Variants in PTPRT observed in about 807,000 individuals in gnomAD.
The protein encoded by PTPRT is receptor-type tyrosine-protein phosphatase T.
A neutral mutation model predicts 176.8 loss-of-function variants in PTPRT; 56 were observed. That is an observed-to-expected ratio of 0.32 (90% CI 0.26 to 0.40). PTPRT has a LOEUF of 0.40. Among genes scored for constraint, PTPRT ranks in the 10% least tolerant of loss-of-function variants. PTPRT has a pLI of 1.00. For missense variants in PTPRT, 1,540 were observed against 1,908.2 expected, an observed-to-expected ratio of 0.81 and a Z score of 3.60; for synonymous variants, 783 against 739.0, an observed-to-expected ratio of 1.06 and a Z score of -0.96.
chr20:42,508,898 TATAA>T (rs2071898507), intron 7 of PTPRT, among the ~76,000 whole-genome samples: 1 of 144,638 alleles, frequency 6.9e-6, no homozygotes, highest in Non-Finnish European at 1.5e-5. Flanking sequence ...AATTTATAAA[TATAA>T]ATAATATAAT....
At chr20:43,002,708 G>A (rs1034340342) in intron 1 of PTPRT, among the ~76,000 whole-genome samples, 3 of 151,714 alleles carry the variant, frequency 2.0e-5, no homozygotes, top group Non-Finnish European at 2.9e-5. Flanking sequence ...CAAAATACAT[G>A]GAAAGTAGCC....
chr20:42,048,310 A>G, the PTPRT span, among the ~76,000 whole-genome samples: 2 of 152,202 alleles, frequency 1.3e-5, no homozygotes, highest in African/African-American at 2.4e-5. Flanking sequence ...ACATGCCTGC[A>G]TATTCTCTGG....
chr20:42,681,316 G>A (rs2075600131), intron 6 of PTPRT, among the ~76,000 whole-genome samples: 3 of 152,276 alleles, frequency 2.0e-5, no homozygotes, highest in South Asian at 4.1e-4. Flanking sequence ...ACAGAGCACT[G>A]AGCGCATGAA....
chr20:42,141,695 T>A (rs1988638900), intron 18 of PTPRT, among the ~76,000 whole-genome samples: 1 of 151,840 alleles, frequency 6.6e-6, no homozygotes, highest in African/African-American at 2.4e-5. Flanking sequence ...CCCTGACCCA[T>A]CTCCCTGCCT....
intron 7 of PTPRT, among the ~76,000 whole-genome samples, chr20:42,473,271 C>T (rs2071230778): frequency 6.6e-6 from 1 of 152,308 alleles, no homozygotes; most frequent in African/African-American, 2.4e-5. Context: ...TCTCCCACTC[C>T]ATGCCTCCTA....
In PTPRT at chr20:42,110,326, G is replaced by GACTT. The variant is rs1217245045; in HGVS notation, c.3254+3_3254+6dup. ...CGGCCTCCCAAGGTGAAGGACCTTT[G>GACTT]ACTTACCTGCAGTGGACCACTATGG... is the stretch of plus-strand genomic sequence containing the variant. On this transcript the variant is annotated splice_region_variant and intron_variant, in intron 23 of 30. Coordinates refer to ENST00000373187, the MANE Select transcript of PTPRT (RefSeq NM_007050.6). 8 of 1,600,970 alleles carry GACTT rather than the reference G, an allele frequency of 5.0e-6. No homozygotes were observed. The highest frequency in any genetic ancestry group is 4.5e-5 in the East Asian group (2 of 44,718).
intron 9 of PTPRT, among the ~76,000 whole-genome samples, chr20:42,442,780 T>C (rs1045282358): frequency 6.6e-6 from 1 of 152,224 alleles, no homozygotes; most frequent in Admixed American, 6.5e-5. Flanking sequence ...CTGTTTTCCA[T>C]GAACTCTGAA....
At chr20:42,909,246 T>C (rs2079516279) in intron 1 of PTPRT, among the ~76,000 whole-genome samples, 2 of 152,184 alleles carry the variant, frequency 1.3e-5, no homozygotes, top group Non-Finnish European at 2.9e-5. Context: ...ATTGCTCTAT[T>C]GATCTAGCTA....
At chr20:42,247,954 G>A (rs528031682) in intron 14 of PTPRT, among the ~76,000 whole-genome samples, 20 of 152,312 alleles carry the variant, frequency 1.3e-4, no homozygotes, top group Admixed American at 7.8e-4. Flanking sequence ...CCTTGTGAAT[G>A]CCTCTTAAAC....
At chr20:42,605,360 T>G (rs1214952514) in intron 7 of PTPRT, among the ~76,000 whole-genome samples, 1 of 152,088 alleles carries the variant, frequency 6.6e-6, no homozygotes, top group African/African-American at 2.4e-5. Context: ...AACACTGACA[T>G]CCCAGGCTCA....
intron 8 of PTPRT, among the ~76,000 whole-genome samples, chr20:42,459,583 A>C (rs1490555259): frequency 7.9e-5 from 12 of 152,228 alleles, no homozygotes. Context: ...CATACATTGC[A>C]GGATGAACCA....
At chr20:43,001,879 CAAA>C (rs563132098) in intron 1 of PTPRT, among the ~76,000 whole-genome samples, 1 of 120,330 alleles carries the variant, frequency 8.3e-6, no homozygotes, top group African/African-American at 3.4e-5. Flanking sequence ...AACAAACAAA[CAAA>C]AAAACAAACA....
intron 12 of PTPRT, among the ~76,000 whole-genome samples, chr20:42,284,644 G>A (rs904097686): frequency 6.6e-6 from 1 of 151,922 alleles, no homozygotes; most frequent in African/African-American, 2.4e-5. Context: ...CTTGAGAATA[G>A]GTTCAAATTC....
chr20:42,358,214 CTCTT>C (rs889327711), intron 9 of PTPRT, among the ~76,000 whole-genome samples: 2 of 150,912 alleles, frequency 1.3e-5, no homozygotes, highest in African/African-American at 2.5e-5. Context: ...ATAAAACTCT[CTCTT>C]TTTTTTTTTT....
At chr20:43,002,559 T>C (rs773387339) in intron 1 of PTPRT, among the ~76,000 whole-genome samples, 74 of 152,190 alleles carry the variant, frequency 4.9e-4, no homozygotes, top group Middle Eastern at 6.9e-3. Flanking sequence ...CCATTTACAC[T>C]ACAAAAGCCA....
At chr20:42,657,308 A>C (rs895054934) in intron 7 of PTPRT, among the ~76,000 whole-genome samples, 10 of 152,116 alleles carry the variant, frequency 6.6e-5, no homozygotes, top group African/African-American at 2.4e-4. Context: ...GGACGGACTA[A>C]TACACCAAGG....
chr20:42,091,451 C>T (rs539928454), intron 27 of PTPRT, among the ~76,000 whole-genome samples: 1 of 152,120 alleles, frequency 6.6e-6, no homozygotes, highest in Non-Finnish European at 1.5e-5. Flanking sequence ...TTTCAGTGCA[C>T]CTTAGTTATG....
intron 7 of PTPRT, among the ~76,000 whole-genome samples, chr20:42,646,990 G>T (rs974283164): frequency 2.7e-5 from 4 of 146,156 alleles, no homozygotes; most frequent in African/African-American, 1.1e-4. Flanking sequence ...AATCTACTGG[G>T]CTCGAGCAAT....
chr20:42,586,005 G>A (rs2073465701), intron 7 of PTPRT, among the ~76,000 whole-genome samples: 1 of 152,078 alleles, frequency 6.6e-6, no homozygotes, highest in African/African-American at 2.4e-5. Flanking sequence ...TTCTTACTCA[G>A]CTCACTTGTA....
Sources: allele counts gnomAD v4.1 joint callset (sites outside exome capture counted in the v4.1 genomes callset), GRCh38; gene constraint gnomAD v4.1.1; transcripts MANE v1.5; gene names NCBI Gene and HGNC (gene_info 2026-07-23, HGNC 2026-07-21).